Variants in CSMD1 observed in about 807,000 individuals in gnomAD.
CSMD1 encodes CUB and sushi domain-containing protein 1.
In CSMD1, 213 loss-of-function variants were observed where a neutral mutation model predicts 417.5. The observed-to-expected ratio is 0.51, with a 90% confidence interval of 0.46 to 0.57. CSMD1 has a LOEUF of 0.57. Ranked by LOEUF, CSMD1 falls within the 20% of genes least tolerant of loss-of-function variation. The probability of loss-of-function intolerance (pLI) is 0.00; values close to 1 mark genes in which losing one functional copy is unlikely to be tolerated. For missense variants in CSMD1, 6,923 were observed against 4,529.7 expected (o/e 1.53, Z -15.17); for synonymous variants, 2,862 against 1,736.8 (o/e 1.65, Z -16.11).
Position 3,723,747 on chromosome 8 carries a change from A to G in CSMD1, c.932-15256T>C, listed in dbSNP as rs921661291. The stretch of plus-strand genomic sequence containing the variant: ...TGCACAATATCTAACTTATTTTTAG[A>G]TACAGACACTAACATTTGAAAGAGA... On this transcript the variant is annotated intron_variant, in intron 6 of 69. Transcript: ENST00000635120. Among the ~76,000 whole-genome samples the G allele has an allele frequency of 5.1e-4, 78 of 152,332 alleles. 1 individual carries two copies. Among genetic ancestry groups the G allele is most frequent in the African/African-American group, 1.7e-3 (69 of 41,574 alleles).
At chr8:3,807,110 A>G (rs1800784897) in intron 5 of CSMD1, among the ~76,000 whole-genome samples, 2 of 152,106 alleles carry the variant, frequency 1.3e-5, no homozygotes, top group South Asian at 4.2e-4. Context: ...GGTTAAATTG[A>G]CTTTAATAGG....
At chr8:3,021,883 C>T (rs77085491) in intron 51 of CSMD1, among the ~76,000 whole-genome samples, 18,918 of 141,562 alleles carry the variant, frequency 0.13, 1,315 homozygotes, top group East Asian at 0.26. Flanking sequence ...CCACAGCGTC[C>T]GGAATGCACC....
At chr8:3,520,251 G>C (rs186682799) in intron 10 of CSMD1, among the ~76,000 whole-genome samples, 42 of 152,122 alleles carry the variant, frequency 2.8e-4, no homozygotes, top group Admixed American at 5.9e-4. Flanking sequence ...GTTGGCCAGA[G>C]AGGAAGCACC....
chr8:4,624,149 G>C (rs190567255), intron 2 of CSMD1, among the ~76,000 whole-genome samples: 1 of 152,058 alleles, frequency 6.6e-6, no homozygotes, highest in Non-Finnish European at 1.5e-5. Context: ...AACCAAAATA[G>C]CAGGTTTGCA....
chr8:3,924,786 C>G (rs1054293157), intron 5 of CSMD1, among the ~76,000 whole-genome samples: 1 of 152,092 alleles, frequency 6.6e-6, no homozygotes, highest in African/African-American at 2.4e-5. Flanking sequence ...CTTCAACTCT[C>G]TATTCGTGTT....
At chr8:3,378,221 G>A (rs961483877) in intron 18 of CSMD1, among the ~76,000 whole-genome samples, 9 of 152,148 alleles carry the variant, frequency 5.9e-5, no homozygotes, top group African/African-American at 1.7e-4. Context: ...TCCCTGAATA[G>A]ACCAAAAACA....
chr8:3,818,344 G>C (rs17067641), intron 5 of CSMD1, among the ~76,000 whole-genome samples: 48,860 of 152,074 alleles, frequency 0.32, 8,562 homozygotes, highest in East Asian at 0.59. Context: ...TCATGTGAGA[G>C]AGCTAAACCC....
At chr8:3,688,148 A>G (rs1800043031) in intron 7 of CSMD1, among the ~76,000 whole-genome samples, 1 of 152,234 alleles carries the variant, frequency 6.6e-6, no homozygotes, top group African/African-American at 2.4e-5. Flanking sequence ...CCTTATATTT[A>G]GACACAATAA....
chr8:3,969,374 G>A (rs777850289), intron 5 of CSMD1, among the ~76,000 whole-genome samples: 8 of 152,202 alleles, frequency 5.3e-5, no homozygotes, highest in Non-Finnish European at 1.0e-4. Context: ...CTCAGAAGCT[G>A]AAAAACATTG....
At chr8:3,982,402 G>C (rs774187288) in intron 5 of CSMD1, among the ~76,000 whole-genome samples, 7 of 151,604 alleles carry the variant, frequency 4.6e-5, no homozygotes, top group Non-Finnish European at 8.8e-5. Flanking sequence ...AATTAAATGA[G>C]CTAATATATG....
intron 5 of CSMD1, among the ~76,000 whole-genome samples, chr8:3,957,719 G>T (rs999454856): frequency 6.6e-6 from 1 of 151,022 alleles, no homozygotes; most frequent in Non-Finnish European, 1.5e-5. Flanking sequence ...AAAGAGAAAA[G>T]AAAAAGGAAA....
intron 10 of CSMD1, among the ~76,000 whole-genome samples, chr8:3,497,036 T>C (rs1300634589): frequency 6.6e-6 from 1 of 152,224 alleles, no homozygotes; most frequent in Non-Finnish European, 1.5e-5. Flanking sequence ...AAAAAATTTG[T>C]TGACCCTTGT....
intron 3 of CSMD1, among the ~76,000 whole-genome samples, chr8:4,289,805 T>G (rs1013880022): frequency 1.3e-5 from 2 of 152,192 alleles, no homozygotes; most frequent in African/African-American, 4.8e-5. Context: ...CACCTTTGTC[T>G]GCCATGTGTT....
intron 1 of CSMD1, among the ~76,000 whole-genome samples, chr8:4,959,681 A>C (rs907842324): frequency 6.6e-6 from 1 of 152,160 alleles, no homozygotes; most frequent in African/African-American, 2.4e-5. Flanking sequence ...TCTAACTTTG[A>C]TCAAAACCCT....
chr8:3,335,831 T>G (rs1807224406), intron 23 of CSMD1, among the ~76,000 whole-genome samples: 1 of 152,176 alleles, frequency 6.6e-6, no homozygotes, highest in African/African-American at 2.4e-5. Context: ...TATTTGCATT[T>G]TGCCAGGGTG....
At chr8:3,326,891 C>A (rs1018718240) in intron 23 of CSMD1, among the ~76,000 whole-genome samples, 5 of 152,050 alleles carry the variant, frequency 3.3e-5, no homozygotes, top group African/African-American at 1.2e-4. Context: ...TGTCTTGATA[C>A]ATTGATAGGA....
At chr8:3,372,709 G>T (rs945028340) in intron 18 of CSMD1, among the ~76,000 whole-genome samples, 10 of 152,152 alleles carry the variant, frequency 6.6e-5, no homozygotes, top group African/African-American at 2.2e-4. Flanking sequence ...TTCAGCTTTG[G>T]ATACCAAAGC....
chr8:3,091,085 G>A (rs6993050), intron 48 of CSMD1, among the ~76,000 whole-genome samples: 1 of 151,826 alleles, frequency 6.6e-6, no homozygotes, highest in Non-Finnish European at 1.5e-5. Context: ...TATGTAGTGT[G>A]AAACATACAT....
At chr8:3,853,723 G>A (rs1289842393) in intron 5 of CSMD1, among the ~76,000 whole-genome samples, 1 of 151,946 alleles carries the variant, frequency 6.6e-6, no homozygotes, top group Non-Finnish European at 1.5e-5. Context: ...CCACCTCGGG[G>A]TGGGGGGAGC....
Sources: gnomAD v4.1 joint callset for allele counts (sites outside exome capture counted in the v4.1 genomes callset) on GRCh38, gnomAD v4.1.1 for gene constraint, MANE v1.5 for transcripts, NCBI Gene and HGNC (gene_info 2026-07-23, HGNC 2026-07-21) for gene names.